The following CSTPP1 variants were observed in gnomAD, a reference collection of about 807,000 sequenced individuals.
CSTPP1 encodes UPF0705 protein C11orf49.
At chr11:47,027,493 C>A in the CSTPP1 span, among the ~76,000 whole-genome samples, 24 of 152,126 alleles carry the variant, frequency 1.6e-4, no homozygotes, top group Non-Finnish European at 3.2e-4. Context: ...AGGACCAGTG[C>A]TCTATTTCAC....
At chr11:46,973,882 A>T in the CSTPP1 span, among the ~76,000 whole-genome samples, 18 of 152,092 alleles carry the variant, frequency 1.2e-4, no homozygotes, top group Non-Finnish European at 7.4e-5. Context: ...ATGCTGTGGC[A>T]GAGACTTCAA....
At chr11:47,155,245 C>T in the CSTPP1 span, 60 of 1,613,768 alleles carry the variant, frequency 3.7e-5, no homozygotes, top group African/African-American at 7.5e-4. Flanking sequence ...CCTTCCAGAT[C>T]CAGTTTTACT....
At chr11:47,068,402 C>T in the CSTPP1 span, among the ~76,000 whole-genome samples, 19 of 151,754 alleles carry the variant, frequency 1.3e-4, no homozygotes, top group African/African-American at 3.9e-4. Context: ...CACGGTGGCG[C>T]GCGCCTGTAA....
the CSTPP1 span, among the ~76,000 whole-genome samples, chr11:47,102,306 TA>T: frequency 6.7e-5 from 10 of 149,970 alleles, no homozygotes; most frequent in African/African-American, 1.2e-4. Context: ...TTTCTTTCTT[TA>T]AAAAAAAAAT....
At chr11:47,147,597 A>G in the CSTPP1 span, among the ~76,000 whole-genome samples, 1 of 151,912 alleles carries the variant, frequency 6.6e-6, no homozygotes, top group Admixed American at 6.6e-5. Context: ...TCTAACAAAC[A>G]CTCAGGCTGG....
At chr11:47,164,190 G>T in the CSTPP1 span, 11 of 1,613,544 alleles carry the variant, frequency 6.8e-6, no homozygotes, top group Middle Eastern at 1.7e-4. Flanking sequence ...GGAGGCCCTG[G>T]AGAGAGTGTC....
chr11:47,081,448 T>C, the CSTPP1 span, among the ~76,000 whole-genome samples: 3 of 152,160 alleles, frequency 2.0e-5, no homozygotes, highest in Non-Finnish European at 1.5e-5. Flanking sequence ...TCTTTAAATA[T>C]AACAATTCAT....
the CSTPP1 span, among the ~76,000 whole-genome samples, chr11:47,066,101 T>TG: frequency 0.73 from 97,872 of 133,798 alleles, 34,758 homozygotes; most frequent in Middle Eastern, 0.77. Flanking sequence ...GGGTTTTTTT[T>TG]TTTTTTTTTT....
At chr11:47,107,582 T>C in the CSTPP1 span, among the ~76,000 whole-genome samples, 1 of 152,202 alleles carries the variant, frequency 6.6e-6, no homozygotes, top group East Asian at 1.9e-4. Context: ...AGTTTCCTGT[T>C]TGGACAGTAT....
chr11:47,151,818 C>T, the CSTPP1 span, among the ~76,000 whole-genome samples: 3 of 151,928 alleles, frequency 2.0e-5, no homozygotes, highest in Middle Eastern at 3.4e-3. Context: ...TGTCTGCACC[C>T]GCTTCACTCG....
chr11:47,072,437 AT>A, the CSTPP1 span, among the ~76,000 whole-genome samples: 1 of 152,226 alleles, frequency 6.6e-6, no homozygotes, highest in Non-Finnish European at 1.5e-5. Flanking sequence ...AGGCTTTACC[AT>A]CACCACTATC....
the CSTPP1 span, among the ~76,000 whole-genome samples, chr11:47,126,869 G>A: frequency 6.6e-6 from 1 of 150,956 alleles, no homozygotes; most frequent in African/African-American, 2.4e-5. Context: ...GGAGGTGGAG[G>A]TTGCAGTGAG....
At chr11:47,131,942 ACTCCAGC>A in the CSTPP1 span, among the ~76,000 whole-genome samples, 1 of 151,788 alleles carries the variant, frequency 6.6e-6, no homozygotes, top group Non-Finnish European at 1.5e-5. Flanking sequence ...GTGCCACTGC[ACTCCAGC>A]CTGGGTGACA....
the CSTPP1 span, among the ~76,000 whole-genome samples, chr11:47,020,687 T>C: frequency 6.6e-6 from 1 of 152,232 alleles, no homozygotes; most frequent in Non-Finnish European, 1.5e-5. Context: ...TTAAATACTT[T>C]GAATCAGTTC....
the CSTPP1 span, among the ~76,000 whole-genome samples, chr11:46,993,918 G>T: frequency 4.1e-4 from 63 of 152,238 alleles, no homozygotes; most frequent in Middle Eastern, 6.8e-3. Flanking sequence ...AGCATGGAAT[G>T]TTCTTCCTTT....
chr11:47,158,917 G>A, the CSTPP1 span, among the ~76,000 whole-genome samples: 1 of 152,206 alleles, frequency 6.6e-6, no homozygotes, highest in African/African-American at 2.4e-5. Context: ...AAGACACACA[G>A]CATCCCCCTT....
chr11:47,162,042 G>C, the CSTPP1 span: 1 of 996,796 alleles, frequency 1.0e-6, no homozygotes, highest in East Asian at 1.1e-4. Context: ...GCAGGGCCTT[G>C]CACCATCAAG....
chr11:46,983,772 C>A, the CSTPP1 span, among the ~76,000 whole-genome samples: 4 of 152,154 alleles, frequency 2.6e-5, no homozygotes, highest in African/African-American at 9.7e-5. Flanking sequence ...ACAGAGGGAG[C>A]ATTAGACTGA....
chr11:46,978,694 G>A, the CSTPP1 span, among the ~76,000 whole-genome samples: 1 of 152,134 alleles, frequency 6.6e-6, no homozygotes, highest in African/African-American at 2.4e-5. Context: ...GGATTATTGA[G>A]CACTATTACA....
Sources: gnomAD v4.1 joint callset for allele counts (sites outside exome capture counted in the v4.1 genomes callset) on GRCh38, gnomAD v4.1.1 for gene constraint, MANE v1.5 for transcripts, NCBI Gene and HGNC (gene_info 2026-07-23, HGNC 2026-07-21) for gene names.